CEP126: variants seen among roughly 807,000 people sequenced by gnomAD.
CEP126 encodes centrosomal protein 126.
Under a neutral mutation model 107.8 loss-of-function variants are expected in CEP126, and 74 were observed. The ratio of observed to expected loss-of-function variants is 0.69; its 90% CI spans 0.57 to 0.83. The LOEUF (loss-of-function observed/expected upper bound fraction) is 0.83. CEP126 is among the 40% of genes least tolerant of loss of function. The pLI, the probability that CEP126 is intolerant of heterozygous loss-of-function variation, is 0.00. For synonymous variants in CEP126, 449 were observed against 446.0 expected (o/e 1.01, Z -0.08); for missense variants, 1,237 against 1,281.9 (o/e 0.96, Z 0.53).
At chr11:101,961,591 G>T in intron 5 of CEP126, 150 bp from the exon 6 acceptor site, 1 of 476,340 alleles carries the variant, frequency 2.1e-6, no homozygotes, top group Admixed American at 3.9e-5. Flanking sequence ...ATTGCTGCAG[G>T]GATAAGAATT....
At chr11:101,997,123 C>T (rs1418026019) in intron 10 of CEP126, among the ~76,000 whole-genome samples, 1 of 152,124 alleles carries the variant, frequency 6.6e-6, no homozygotes, top group African/African-American at 2.4e-5. Flanking sequence ...CTGCAACCTC[C>T]GCCTCCCAGG....
intron 4 of CEP126, chr11:101,956,079 C>T (rs1940883612): frequency 2.2e-6 from 1 of 456,610 alleles, no homozygotes; most frequent in African/African-American, 2.0e-5. Flanking sequence ...CGTCTACCAG[C>T]ACCAATTCCT....
At chr11:101,978,240 CT>C in intron 6 of CEP126, 106 bp from the exon 7 acceptor site, 1 of 721,466 alleles carries the variant, frequency 1.4e-6, no homozygotes, top group Non-Finnish European at 2.4e-6. Context: ...ATGAATTAAA[CT>C]TACAGAGTTT....
chr11:101,967,385 A>G (rs1176996298), intron 6 of CEP126, among the ~76,000 whole-genome samples: 2 of 152,144 alleles, frequency 1.3e-5, no homozygotes, highest in African/African-American at 2.4e-5. Context: ...TTTTGTCACA[A>G]GAATCAAACA....
intron 1 of CEP126, among the ~76,000 whole-genome samples, chr11:101,917,028 A>ATGTG (rs57573389): frequency 0.025 from 3,458 of 136,008 alleles, 51 homozygotes; most frequent in African/African-American, 0.039. Context: ...AAATCCAACA[A>ATGTG]TGTGTGTGTG....
intron 4 of CEP126, among the ~76,000 whole-genome samples, chr11:101,952,077 G>A (rs72970241): frequency 2.0e-5 from 3 of 152,132 alleles, no homozygotes; most frequent in Admixed American, 6.5e-5. Context: ...AAAGTGGCCC[G>A]AAGTTAGATA....
intron 2 of CEP126, among the ~76,000 whole-genome samples, chr11:101,942,608 AC>A (rs1459069808): frequency 6.8e-6 from 1 of 148,046 alleles, no homozygotes; most frequent in Non-Finnish European, 1.5e-5. Context: ...GGGTTCCTTG[AC>A]ATTGTATATA....
intron 2 of CEP126, among the ~76,000 whole-genome samples, chr11:101,923,354 A>G (rs1354034626): frequency 1.3e-5 from 2 of 152,314 alleles, no homozygotes; most frequent in Non-Finnish European, 2.9e-5. Context: ...AAAAGTACAA[A>G]TTGTTCAATC....
chr11:101,919,696 C>A (rs773228918), intron 1 of CEP126, among the ~76,000 whole-genome samples: 1 of 152,128 alleles, frequency 6.6e-6, no homozygotes, highest in Non-Finnish European at 1.5e-5. Context: ...AGTAGAAAAT[C>A]ATTTGGTTAA....
chr11:101,962,841 A>G lies in CEP126; in HGVS notation c.1806A>G (p.Gly602=). 10 of 1,603,274 alleles carry G rather than the reference A, an allele frequency of 6.2e-6. No individual in the cohort carries two copies. The highest frequency in any genetic ancestry group is 8.5e-6 in the Non-Finnish European group (10 of 1,177,414). ...TTATAAATCAGAGCTTTAAGTTTGGAAATCAAAAAGCAGCAGCTATCAGAG... is the reference window on the plus strand; with the variant it reads ...TTATAAATCAGAGCTTTAAGTTTGGGAATCAAAAAGCAGCAGCTATCAGAG... ...ALIINQSFKF[G]NQKAAAIRDS... is the part of the protein sequence containing the mutation. Residue 602 remains glycine, a synonymous_variant, in exon 6 of 11, where the codon GGA becomes GGG. Transcript: ENST00000263468.
intron 1 of CEP126, among the ~76,000 whole-genome samples, chr11:101,919,065 AAGGTGAT>A (rs1317481553): frequency 6.6e-6 from 1 of 152,208 alleles, no homozygotes; most frequent in Non-Finnish European, 1.5e-5. Context: ...ATTTTTCATG[AAGGTGAT>A]AGGGAGCTTT....
intron 10 of CEP126, among the ~76,000 whole-genome samples, 166 bp from the exon 11 acceptor site, chr11:101,997,433 G>C (rs892446123): frequency 1.3e-5 from 2 of 152,182 alleles, no homozygotes; most frequent in African/African-American, 2.4e-5. Flanking sequence ...ATAATGTAAG[G>C]GTTGAGGTAA....
Position 101,962,531 on chromosome 11 carries a change from A to T in CEP126, c.1496A>T (p.Asp499Val), listed in dbSNP as rs1940992193. ...QCSDKLDELK[D>V]GKEEEIKYFN... ...TCTGATAAGTTAGATGAATTGAAAG[A>T]TGGTAAAGAAGAAGAGATAAAATAT... Residue 499 changes from aspartate to valine, a missense_variant, in exon 6 of 11, where the codon GAT becomes GTT. Asp to Val is a radical substitution (Grantham distance 152). Around this residue, in one of 3 missense-constraint regions of CEP126, gnomAD observed 1,134 missense variants for 1,150.5 expected, o/e 0.99. Coordinates refer to ENST00000263468, the MANE Select transcript of CEP126 (RefSeq NM_020802.4). 6 of 1,613,012 alleles carry T rather than the reference A, an allele frequency of 3.7e-6. No homozygotes were observed. The highest frequency in any genetic ancestry group is 5.1e-6 in the Non-Finnish European group (6 of 1,179,594).
intron 6 of CEP126, among the ~76,000 whole-genome samples, chr11:101,977,429 G>A (rs926018394): frequency 1.3e-5 from 2 of 151,718 alleles, no homozygotes; most frequent in South Asian, 2.1e-4. Context: ...TCAAGAGATC[G>A]AAACCATCCT....
chr11:101,986,579 A>G (rs994834067), intron 8 of CEP126, among the ~76,000 whole-genome samples: 1 of 152,192 alleles, frequency 6.6e-6, no homozygotes, highest in African/African-American at 2.4e-5. Flanking sequence ...CTTTAGTTCA[A>G]GTAATACTCT....
At chr11:101,955,964 A>C in intron 4 of CEP126, 1 of 455,584 alleles carries the variant, frequency 2.2e-6, no homozygotes. Flanking sequence ...TGTACCCTCT[A>C]CTCTTCCAAA....
intron 6 of CEP126, among the ~76,000 whole-genome samples, chr11:101,972,208 C>T (rs1381982951): frequency 1.3e-5 from 2 of 151,050 alleles, no homozygotes; most frequent in African/African-American, 2.4e-5. Flanking sequence ...GGGCGGATCA[C>T]GAGGTCAGGA....
Position 102,000,287 on chromosome 11 carries a change from G to A in CEP126, c.*2644G>A, listed in dbSNP as rs765496863. The A allele has an allele frequency of 1.6e-4, 24 of 152,048 alleles. No individual in the cohort carries two copies. Among genetic ancestry groups the A allele is most frequent in the Admixed American group, 1.0e-3 (16 of 15,252 alleles). The allele number at this position is 152,048 out of a possible 1,614,324, so 9.4% of individuals were successfully genotyped here. A position where few individuals can be genotyped will look rare whatever the true frequency, so the allele number is the denominator to read the frequency against. On this transcript the variant is annotated 3_prime_UTR_variant, in exon 11 of 11. Coordinates refer to ENST00000263468, the MANE Select transcript of CEP126 (RefSeq NM_020802.4). ...TCACACTGAATCTTCAAGTTCTAAG[G>A]AAGAAAAGAGTCTCCTTTCGAATGT...
rs561312521 is a variant in CEP126, at chr11:101,961,707, A to G, written c.706-34A>G. 8.7e-5 allele frequency: 107 copies of G among 1,233,160 alleles called. 1 individual carries two copies. The South Asian group carries it at 1.5e-3, about 18-fold the overall frequency. 76.4% of individuals were successfully genotyped at this position (1,233,160 alleles called of 1,614,324 possible). A position where few individuals can be genotyped will look rare whatever the true frequency, so the allele number is the denominator to read the frequency against. On this transcript the variant is annotated intron_variant, in intron 5 of 10. Coordinates refer to ENST00000263468, the MANE Select transcript of CEP126 (RefSeq NM_020802.4). ...CGTTAATCTTGGCATTTAAAAGTTT[A>G]TAAGCTATAAAACAATGTTCTTTTT...
Sources: gnomAD v4.1 joint callset for allele counts (sites outside exome capture counted in the v4.1 genomes callset) on GRCh38, gnomAD v4.1.1 for gene constraint, gnomAD v4.1.1 regional missense constraint, MANE v1.5 for transcripts, NCBI Gene and HGNC (gene_info 2026-07-23, HGNC 2026-07-21) for gene names.